ADCY8: variants seen among roughly 807,000 people sequenced by gnomAD.
ADCY8 encodes adenylate cyclase type 8.
Under a neutral mutation model 119.7 loss-of-function variants are expected in ADCY8, and 51 were observed. The ratio of observed to expected loss-of-function variants is 0.43; its 90% CI spans 0.34 to 0.54. The LOEUF (loss-of-function observed/expected upper bound fraction) is 0.54. Among genes scored for constraint, ADCY8 ranks in the 20% least tolerant of loss-of-function variants. The probability of loss-of-function intolerance (pLI) is 0.03; values close to 1 mark genes in which losing one functional copy is unlikely to be tolerated. For missense variants in ADCY8, 1,383 were observed against 1,598.8 expected (o/e 0.87, Z 2.30); for synonymous variants, 665 against 651.0 (o/e 1.02, Z -0.33).
intron 1 of ADCY8, among the ~76,000 whole-genome samples, chr8:131,021,796 C>T (rs1178777316): frequency 2.0e-5 from 3 of 152,100 alleles, no homozygotes; most frequent in Non-Finnish European, 2.9e-5. Flanking sequence ...GCCTCCCCAG[C>T]GATGCTGAAC....
chr8:130,981,086 G>A (rs1281214388), intron 2 of ADCY8, among the ~76,000 whole-genome samples: 1 of 152,142 alleles, frequency 6.6e-6, no homozygotes, highest in Non-Finnish European at 1.5e-5. Context: ...AAAATGAGTT[G>A]AATACTACAC....
At chr8:130,838,531 AAGGC>A (rs2130268822) in intron 11 of ADCY8, among the ~76,000 whole-genome samples, 8 of 142,532 alleles carry the variant, frequency 5.6e-5, no homozygotes, top group Admixed American at 1.4e-4. Flanking sequence ...CAGTTTGACA[AAGGC>A]CAAAGAAAGA....
At chr8:130,846,507 C>T (rs1294904714) in intron 11 of ADCY8, among the ~76,000 whole-genome samples, 2 of 151,316 alleles carry the variant, frequency 1.3e-5, no homozygotes, top group Non-Finnish European at 2.9e-5. Flanking sequence ...TCTCTTCCTT[C>T]TTCCCTCTCT....
At chr8:130,851,136 A>G (rs975712092) in intron 9 of ADCY8, among the ~76,000 whole-genome samples, 13 of 152,280 alleles carry the variant, frequency 8.5e-5, no homozygotes, top group African/African-American at 2.9e-4. Flanking sequence ...TGGTTTCATC[A>G]TAATATTTAT....
chr8:130,957,907 T>TCAGGTAACAAA (rs1821479833), intron 2 of ADCY8, among the ~76,000 whole-genome samples: 4 of 152,228 alleles, frequency 2.6e-5, no homozygotes, highest in African/African-American at 9.6e-5. Context: ...ACCTGGATGC[T>TCAGGTAACAAA]CAGACAGAAG....
chr8:130,969,263 T>C (rs1331442747), intron 2 of ADCY8, among the ~76,000 whole-genome samples: 1 of 152,170 alleles, frequency 6.6e-6, no homozygotes, highest in Non-Finnish European at 1.5e-5. Context: ...AGAAAGGAAT[T>C]CTGCAGCAGA....
chr8:130,965,712 A>G (rs763695600), intron 2 of ADCY8, among the ~76,000 whole-genome samples: 5 of 152,246 alleles, frequency 3.3e-5, no homozygotes, highest in Non-Finnish European at 7.3e-5. Flanking sequence ...GGAAATTTAC[A>G]GAAGTTTTTT....
At chr8:130,997,983 T>A (rs1199076917) in intron 1 of ADCY8, among the ~76,000 whole-genome samples, 2 of 152,152 alleles carry the variant, frequency 1.3e-5, no homozygotes, top group African/African-American at 4.8e-5. Context: ...GTAAACTACA[T>A]TTGAAAAGCC....
chr8:130,887,276 G>A (rs1040883670), intron 7 of ADCY8, among the ~76,000 whole-genome samples: 11 of 152,142 alleles, frequency 7.2e-5, no homozygotes, highest in Admixed American at 2.6e-4. Context: ...TCCTCCTTTC[G>A]AAACTCCCCT....
At chr8:130,934,185 T>C (rs532431040) in intron 5 of ADCY8, among the ~76,000 whole-genome samples, 8 of 152,330 alleles carry the variant, frequency 5.3e-5, no homozygotes, top group Middle Eastern at 6.8e-3. Flanking sequence ...TCAGTCTGTG[T>C]TAGTCTGTTC....
At chr8:131,036,471 C>CT (rs1215802268) in intron 1 of ADCY8, among the ~76,000 whole-genome samples, 2 of 152,118 alleles carry the variant, frequency 1.3e-5, no homozygotes, top group African/African-American at 4.8e-5. Context: ...CATTCAGTGA[C>CT]TGTTTGTTGA....
intron 15 of ADCY8, among the ~76,000 whole-genome samples, chr8:130,798,937 A>T (rs566491582): frequency 6.6e-4 from 100 of 152,234 alleles, no homozygotes; most frequent in Non-Finnish European, 1.2e-3. Context: ...ACACACACAC[A>T]GTGGAATACT....
intron 1 of ADCY8, 48 bp from the exon 2 acceptor site, chr8:130,990,590 C>A: frequency 6.3e-7 from 1 of 1,591,122 alleles, no homozygotes; most frequent in Non-Finnish European, 8.6e-7. Context: ...AAGCTATTTA[C>A]AAGCAACAAT....
At chr8:131,007,612 G>T (rs527261207) in intron 1 of ADCY8, among the ~76,000 whole-genome samples, 2 of 152,220 alleles carry the variant, frequency 1.3e-5, no homozygotes, top group East Asian at 3.8e-4. Flanking sequence ...GTAAATTATT[G>T]CTAGATAAAT....
chr8:131,034,149 A>C (rs1461436272), intron 1 of ADCY8, among the ~76,000 whole-genome samples: 1 of 152,098 alleles, frequency 6.6e-6, no homozygotes, highest in African/African-American at 2.4e-5. Flanking sequence ...ACCAACTACC[A>C]AATTGGAATG....
chr8:130,878,823 GA>G (rs1818659443), intron 8 of ADCY8, among the ~76,000 whole-genome samples: 2 of 152,272 alleles, frequency 1.3e-5, no homozygotes, highest in East Asian at 3.9e-4. Context: ...AGCATTAAAA[GA>G]AGGAAGGAAC....
chr8:130,962,816 C>T (rs994789463), intron 2 of ADCY8, among the ~76,000 whole-genome samples: 1 of 152,182 alleles, frequency 6.6e-6, no homozygotes, highest in South Asian at 2.1e-4. Context: ...CTCTTTCTCT[C>T]CACTGCAGGC....
chr8:130,801,558 C>G (rs1023378800), intron 14 of ADCY8, among the ~76,000 whole-genome samples: 1 of 152,166 alleles, frequency 6.6e-6, no homozygotes, highest in Admixed American at 6.5e-5. Flanking sequence ...CTAAGAGTCT[C>G]TTCTAAGAAA....
chr8:131,021,807 T>C (rs1823678476), intron 1 of ADCY8, among the ~76,000 whole-genome samples: 1 of 152,354 alleles, frequency 6.6e-6, no homozygotes, highest in Non-Finnish European at 1.5e-5. Context: ...GATGCTGAAC[T>C]GTGAGTCAAT....
Sources: gnomAD v4.1 joint callset for allele counts (sites outside exome capture counted in the v4.1 genomes callset) on GRCh38, gnomAD v4.1.1 for gene constraint, MANE v1.5 for transcripts, NCBI Gene and HGNC (gene_info 2026-07-23, HGNC 2026-07-21) for gene names.